Variants in ABI3 observed in about 807,000 individuals in gnomAD.
The protein encoded by ABI3 is ABI family member 3.
ABI3 carries 24 observed loss-of-function variants against 37.0 expected under a neutral mutation model. The ratio of observed to expected loss-of-function variants is 0.65; its 90% CI spans 0.47 to 0.91. The LOEUF (loss-of-function observed/expected upper bound fraction) is 0.91. ABI3 is among the 40% of genes least tolerant of loss of function. The pLI is 0.00. For synonymous variants in ABI3, 220 were observed against 211.8 expected, an observed-to-expected ratio of 1.04 and a Z score of -0.34; for missense variants, 481 against 485.1, an observed-to-expected ratio of 0.99 and a Z score of 0.08.
intron 3 of ABI3, 62 bp downstream of exon 3, chr17:49,217,977 C>A: frequency 7.0e-7 from 1 of 1,437,262 alleles, no homozygotes; most frequent in Non-Finnish European, 9.2e-7. Context: ...TGGCCCCTTT[C>A]CCTCCAGAAC....
rs2143538721 is a variant in ABI3, at chr17:49,220,323, C to T, written c.799C>T (p.Pro267Ser). The T allele has an allele frequency of 6.3e-7, 1 of 1,582,334 alleles. No homozygotes were observed. The highest frequency in any genetic ancestry group is 1.3e-5 in the African/African-American group (1 of 74,408). ...PTLEELSPPPPDEELPLPLDL... is the reference protein window; with the variant it reads ...PTLEELSPPPSDEELPLPLDL... ...GCTGGAGGAGTTGTCCCCACCCCCACCGGGTAAGGAGGTCCACCCTCTTCT... is the reference window on the plus strand; with the variant it reads ...GCTGGAGGAGTTGTCCCCACCCCCATCGGGTAAGGAGGTCCACCCTCTTCT... Residue 267 changes from proline (P) to serine (S), a missense_variant, in exon 6 of 8, where the codon CCG becomes TCG. Coordinates refer to ENST00000225941, the MANE Select transcript of ABI3 (RefSeq NM_016428.3).
chr17:49,214,926 G>A (rs1193543164), intron 1 of ABI3, among the ~76,000 whole-genome samples: 1 of 152,164 alleles, frequency 6.6e-6, no homozygotes, highest in Admixed American at 6.5e-5. Context: ...ATTCCATGAC[G>A]GGATACAGGA....
chr17:49,215,255 T>G, intron 1 of ABI3, among the ~76,000 whole-genome samples: 1 of 151,754 alleles, frequency 6.6e-6, no homozygotes, highest in East Asian at 1.9e-4. Context: ...AAGGGGAGTG[T>G]GTGAGAGGGG....
chr17:49,221,346 C>CT (rs1297038606), intron 6 of ABI3, among the ~76,000 whole-genome samples: 2 of 151,562 alleles, frequency 1.3e-5, no homozygotes, highest in Admixed American at 6.6e-5. Flanking sequence ...TGGCGGGCGC[C>CT]TGTAGTCCCA....
In ABI3 at chr17:49,219,823, C is replaced by A. The variant is rs2043261662; in HGVS notation, c.549-35C>A. On this transcript the variant is annotated intron_variant, in intron 4 of 7. Coordinates refer to ENST00000225941, the MANE Select transcript of ABI3 (RefSeq NM_016428.3). This position sits in a 1 kb window ranked among gnomAD's most constrained non-coding sequence, Gnocchi z 4.3. ...CCCCTGCTGGCCAGAAGCCTTCCTCCTTCCTCCTAATACCCACTCCCTGCC... is the reference window on the plus strand; with the variant it reads ...CCCCTGCTGGCCAGAAGCCTTCCTCATTCCTCCTAATACCCACTCCCTGCC... 1 of 1,533,428 alleles carries A rather than the reference C, an allele frequency of 6.5e-7. No individual in the cohort carries two copies. Among genetic ancestry groups the A allele is most frequent in the Non-Finnish European group, 8.8e-7 (1 of 1,142,198 alleles). The allele number at this position is 1,533,428 out of a possible 1,614,324, so 95.0% of individuals were successfully genotyped here.
intron 1 of ABI3, among the ~76,000 whole-genome samples, chr17:49,211,365 GA>G: frequency 6.6e-6 from 1 of 152,186 alleles, no homozygotes; most frequent in Non-Finnish European, 1.5e-5. Flanking sequence ...GAGGCAGGGG[GA>G]TGGCCCACAT....
At position 49,219,296 on chromosome 17, in the gene ABI3, G is replaced by T. The variant is rs959441376; in HGVS notation, c.463-244G>T. Among the ~76,000 whole-genome samples, 1 of 152,080 alleles carries T rather than the reference G, an allele frequency of 6.6e-6. No individual in the cohort carries two copies. Among genetic ancestry groups the T allele is most frequent in the Non-Finnish European group, 1.5e-5 (1 of 68,026 alleles). On this transcript the variant is annotated intron_variant, in intron 3 of 7. Coordinates refer to ENST00000225941, the MANE Select transcript of ABI3 (RefSeq NM_016428.3). This position sits in a 1 kb window ranked among gnomAD's most constrained non-coding sequence, Gnocchi z 4.3. The stretch of plus-strand genomic sequence containing the variant: ...CAGGGGTGCTGGGCCCACTCAACCC[G>T]CTGTGGCTGTGCAGAGGAAGTGGCT...
intron 6 of ABI3, 144 bp downstream of exon 6, chr17:49,220,470 C>G (rs2043272774): frequency 1.8e-6 from 2 of 1,088,552 alleles, no homozygotes; most frequent in African/African-American, 3.2e-5. Flanking sequence ...CGAAAGGAGA[C>G]AGAGGAAGTG....
At chr17:49,221,286 T>C (rs191016641) in intron 6 of ABI3, among the ~76,000 whole-genome samples, 41,158 of 150,178 alleles carry the variant, frequency 0.27, 6,544 homozygotes, top group African/African-American at 0.45. Flanking sequence ...CTGGCTAACA[T>C]GGTGAAACCC....
intron 6 of ABI3, 39 bp from the exon 7 acceptor site, chr17:49,222,051 TC>T (rs751952268): frequency 6.5e-7 from 1 of 1,539,168 alleles, no homozygotes; most frequent in Non-Finnish European, 8.8e-7. Flanking sequence ...TGAAGGAGCT[TC>T]CTGTGCCACA....
At chr17:49,216,065 C>A (rs966513423) in intron 1 of ABI3, among the ~76,000 whole-genome samples, 1 of 150,388 alleles carries the variant, frequency 6.6e-6, no homozygotes, top group African/African-American at 2.5e-5. Flanking sequence ...GAGCCGAGAT[C>A]GCACCACTGC....
chr17:49,222,876 G>A lies in ABI3; in HGVS notation c.*161G>A. On this transcript the variant is annotated 3_prime_UTR_variant, in exon 8 of 8. Coordinates refer to ENST00000225941, the MANE Select transcript of ABI3 (RefSeq NM_016428.3). ...CATCGGAGGGAGAAGGGGTCCTGGG[G>A]AGAGAGAATTTATCCAGAGGCCTGC... 1 of 841,406 alleles carries A rather than the reference G, an allele frequency of 1.2e-6. No homozygotes were observed. The highest frequency in any genetic ancestry group is 1.8e-6 in the Non-Finnish European group (1 of 560,842). 52.1% of individuals were successfully genotyped at this position (841,406 alleles called of 1,614,324 possible). A position where few individuals can be genotyped will look rare whatever the true frequency, so the allele number is the denominator to read the frequency against.
At position 49,220,261 on chromosome 17, in the gene ABI3, C is replaced by T; in HGVS notation, c.737C>T (p.Pro246Leu). 1 of 1,609,274 alleles carries T rather than the reference C, an allele frequency of 6.2e-7. No homozygotes were observed. Among genetic ancestry groups the T allele is most frequent in the Non-Finnish European group, 8.5e-7 (1 of 1,178,458 alleles). ...PLPSSLDPPP[P>L]PAAVEVFQRP... The stretch of plus-strand genomic sequence containing the variant: ...CCCAGCTCCTTGGACCCACCTCCTC[C>T]ACCAGCAGCCGTCGAGGTGTTCCAG... The change falls in exon 6 of 8, where the codon CCA becomes CTA. Residue 246 changes from proline (P) to leucine (L), a missense_variant. Pro to Leu is a moderately conservative substitution (Grantham distance 98). Coordinates refer to ENST00000225941, the MANE Select transcript of ABI3 (RefSeq NM_016428.3).
At position 49,222,607 on chromosome 17, in the gene ABI3, G is replaced by A. The variant is rs1189462288; in HGVS notation, c.993G>A (p.Glu331=). 7.4e-6 allele frequency: 12 copies of A among 1,613,890 alleles called. No homozygotes were observed. Among genetic ancestry groups the A allele is most frequent in the Non-Finnish European group, 1.0e-5 (12 of 1,180,024 alleles). ...AGGACAATGAGCTCTCCTTCTCTGA[G>A]GGCACTGTCATCTGTGTCACTCGCC... is the stretch of plus-strand genomic sequence containing the variant. ...SQKDNELSFS[E]GTVICVTRRY... is the part of the protein sequence containing the mutation. Residue 331 remains glutamate (E), a synonymous_variant, in exon 8 of 8, where the codon GAG becomes GAA. Coordinates refer to ENST00000225941, the MANE Select transcript of ABI3 (RefSeq NM_016428.3).
intron 1 of ABI3, among the ~76,000 whole-genome samples, chr17:49,211,852 A>C (rs1490218681): frequency 2.0e-5 from 3 of 152,034 alleles, no homozygotes; most frequent in African/African-American, 4.8e-5. Flanking sequence ...CCATGTTGGT[A>C]AGGCTGGTCT....
intron 1 of ABI3, among the ~76,000 whole-genome samples, chr17:49,214,510 A>G (rs942733367): frequency 2.0e-5 from 3 of 152,244 alleles, no homozygotes; most frequent in African/African-American, 7.2e-5. Context: ...GGAGTTGAAG[A>G]TCAGCCTGAC....
At chr17:49,217,231 C>T (rs982361767) in intron 2 of ABI3, among the ~76,000 whole-genome samples, 2 of 152,162 alleles carry the variant, frequency 1.3e-5, no homozygotes, top group Non-Finnish European at 2.9e-5. Context: ...CTGTACATCA[C>T]CCACATGTTC....
At position 49,222,139 on chromosome 17, in the gene ABI3, A is replaced by T. The variant is rs145120343; in HGVS notation, c.851A>T (p.Asp284Val). ...PLDLPPPPPL[D>V]GDELGLPPPP... is the part of the protein sequence containing the mutation. ...GACCTGCCTCCTCCTCCACCCCTGG[A>T]TGGAGATGAATTGGGGCTGCCTCCA... The change falls in exon 7 of 8, where the codon GAT becomes GTT. Residue 284 changes from aspartate to valine, a missense_variant. By Grantham distance (152) the Asp-to-Val change is radical. Transcript: ENST00000225941. 63 of 1,613,292 alleles carry T rather than the reference A, an allele frequency of 3.9e-5. No homozygotes were observed. In the African/African-American group the frequency reaches 7.2e-4, roughly 18 times the overall value.
chr17:49,213,516 C>T (rs1424630946), intron 1 of ABI3, among the ~76,000 whole-genome samples: 1 of 152,142 alleles, frequency 6.6e-6, no homozygotes, highest in Non-Finnish European at 1.5e-5. Context: ...GCTAGGAAAC[C>T]CATGGGGAAT....
Sources: allele counts gnomAD v4.1 joint callset (sites outside exome capture counted in the v4.1 genomes callset), GRCh38; gene constraint gnomAD v4.1.1; non-coding constraint Gnocchi (gnomAD v3.1); transcripts MANE v1.5; gene names NCBI Gene and HGNC (gene_info 2026-07-23, HGNC 2026-07-21).